The following NRXN1 variants were observed in gnomAD, a reference collection of about 807,000 sequenced individuals.
NRXN1 encodes neurexin-1.
Under a neutral mutation model 150.9 loss-of-function variants are expected in NRXN1, and 39 were observed. The observed-to-expected ratio is 0.26, with a 90% CI of 0.20 to 0.34. The LOEUF is 0.34. Ranked by LOEUF, NRXN1 falls within the 10% of genes least tolerant of loss-of-function variation. The probability of loss-of-function intolerance (pLI) is 1.00; values close to 1 mark genes in which losing one functional copy is unlikely to be tolerated. For synonymous variants in NRXN1, 924 were observed against 757.0 expected (o/e 1.22, Z -3.62); for missense variants, 1,815 against 1,949.9 (o/e 0.93, Z 1.30).
At chr2:50,728,138 C>T (rs1184662779) in intron 5 of NRXN1, among the ~76,000 whole-genome samples, 1 of 151,964 alleles carries the variant, frequency 6.6e-6, no homozygotes, top group Non-Finnish European at 1.5e-5. Flanking sequence ...AACAAGCATG[C>T]ATGCCTGATT....
At chr2:50,593,783 C>T (rs1341342737) in intron 8 of NRXN1, among the ~76,000 whole-genome samples, 2 of 152,028 alleles carry the variant, frequency 1.3e-5, no homozygotes, top group Non-Finnish European at 2.9e-5. Flanking sequence ...TTATTACATC[C>T]AACATATCTA....
chr2:50,819,060 T>C (rs1574586761), intron 5 of NRXN1, among the ~76,000 whole-genome samples: 1 of 152,234 alleles, frequency 6.6e-6, no homozygotes, highest in South Asian at 2.1e-4. Context: ...ATTGGAACCC[T>C]TGTGCACTTT....
intron 17 of NRXN1, among the ~76,000 whole-genome samples, chr2:50,301,030 C>G (rs1467728170): frequency 2.0e-5 from 3 of 151,994 alleles, no homozygotes; most frequent in Non-Finnish European, 4.4e-5. Flanking sequence ...ATAAGGATGC[C>G]TCATAGGGTT....
chr2:50,710,972 C>T (rs1559154586), intron 5 of NRXN1, among the ~76,000 whole-genome samples: 1 of 152,016 alleles, frequency 6.6e-6, no homozygotes, highest in African/African-American at 2.4e-5. Context: ...CTCTGTGGCC[C>T]CCATAATAGA....
At chr2:50,879,102 A>ACATAGTGTGGCTGTACGTTATCCAAT (rs1443684439) in intron 5 of NRXN1, among the ~76,000 whole-genome samples, 5 of 151,912 alleles carry the variant, frequency 3.3e-5, no homozygotes, top group African/African-American at 1.2e-4. Context: ...AGATGACCCT[A>ACATAGTGTGGCTGTACGTTATCCAAT]CATAGTGTGG....
intron 2 of NRXN1, among the ~76,000 whole-genome samples, chr2:51,000,658 A>C (rs926680344): frequency 2.0e-5 from 3 of 152,034 alleles, no homozygotes; most frequent in African/African-American, 7.2e-5. Flanking sequence ...AAAGTGAAGA[A>C]GTAGAAATAA....
At chr2:50,363,979 C>T (rs2079406468) in intron 17 of NRXN1, among the ~76,000 whole-genome samples, 2 of 152,066 alleles carry the variant, frequency 1.3e-5, no homozygotes, top group African/African-American at 4.8e-5. Context: ...TCTTAGCAAA[C>T]TAACACAGGA....
At chr2:50,703,550 G>T (rs533194879) in intron 5 of NRXN1, among the ~76,000 whole-genome samples, 1 of 152,236 alleles carries the variant, frequency 6.6e-6, no homozygotes, top group African/African-American at 2.4e-5. Context: ...TTTAAAGTAT[G>T]TTTTGGTGAT....
At chr2:50,421,934 A>G (rs143794165) in intron 17 of NRXN1, among the ~76,000 whole-genome samples, 173 of 152,240 alleles carry the variant, frequency 1.1e-3, no homozygotes, top group African/African-American at 3.8e-3. Flanking sequence ...CCTTCAGTGG[A>G]ACTGCATGGA....
At chr2:50,649,592 G>C (rs986793712) in intron 5 of NRXN1, among the ~76,000 whole-genome samples, 5 of 151,996 alleles carry the variant, frequency 3.3e-5, no homozygotes, top group African/African-American at 1.2e-4. Context: ...CTTTGCTTGA[G>C]GGTGGATGTC....
chr2:50,051,353 C>T (rs1470172538), intron 21 of NRXN1, among the ~76,000 whole-genome samples: 1 of 151,954 alleles, frequency 6.6e-6, no homozygotes, highest in Admixed American at 6.6e-5. Context: ...GATTTGGCAA[C>T]TGTAATCTCA....
chr2:50,498,199 C>G (rs955158420), intron 13 of NRXN1, among the ~76,000 whole-genome samples: 3 of 152,070 alleles, frequency 2.0e-5, no homozygotes, highest in Non-Finnish European at 4.4e-5. Context: ...ATATATTTTC[C>G]TATACCCAGT....
intron 21 of NRXN1, among the ~76,000 whole-genome samples, chr2:49,966,990 G>T (rs943994157): frequency 1.3e-5 from 2 of 152,112 alleles, no homozygotes; most frequent in Non-Finnish European, 2.9e-5. Context: ...TTTCCAAGTG[G>T]AAATCTGAGG....
chr2:50,911,587 G>C (rs185099002), intron 5 of NRXN1, among the ~76,000 whole-genome samples: 111 of 151,880 alleles, frequency 7.3e-4, no homozygotes, highest in African/African-American at 9.2e-4. Context: ...CCAGAAAAAA[G>C]GGTCATTATC....
At chr2:50,896,229 GA>G (rs200680660) in intron 5 of NRXN1, among the ~76,000 whole-genome samples, 4 of 150,668 alleles carry the variant, frequency 2.7e-5, no homozygotes, top group African/African-American at 9.7e-5. Flanking sequence ...CATCTTCCAA[GA>G]AAAAAAAATA....
At chr2:50,881,268 A>T (rs6727808) in intron 5 of NRXN1, among the ~76,000 whole-genome samples, 11 of 151,688 alleles carry the variant, frequency 7.3e-5, no homozygotes, top group African/African-American at 2.2e-4. Flanking sequence ...TTAGCAATCT[A>T]TTCCCCTTCT....
At chr2:50,528,972 C>T (rs181222791) in intron 11 of NRXN1, 2 of 273,506 alleles carry the variant, frequency 7.3e-6, no homozygotes, top group East Asian at 9.8e-5. Flanking sequence ...TGTGAAAGAA[C>T]ATATCATTGT....
At position 50,475,613 on chromosome 2, in the gene NRXN1, A is replaced by C. The variant is rs561475730; in HGVS notation, c.3071-3142T>G. Among the ~76,000 whole-genome samples, 110 of 152,184 alleles carry C rather than the reference A, an allele frequency of 7.2e-4. 1 individual carries two copies. Among genetic ancestry groups the C allele is most frequent in the African/African-American group, 2.5e-3 (104 of 41,550 alleles). On this transcript the variant is annotated intron_variant, in intron 15 of 22. Coordinates refer to ENST00000401669, the MANE Select transcript of NRXN1 (RefSeq NM_001330078.2). ...TATCAGTTCAAGCAGTGTGGGATACAACCTTCAAACATAGCAAGGTAGACG... is the reference window on the plus strand; with the variant it reads ...TATCAGTTCAAGCAGTGTGGGATACCACCTTCAAACATAGCAAGGTAGACG...
At chr2:50,092,008 C>G (rs910816143) in intron 18 of NRXN1, among the ~76,000 whole-genome samples, 8 of 152,176 alleles carry the variant, frequency 5.3e-5, no homozygotes, top group Non-Finnish European at 7.3e-5. Context: ...CCATCAAATA[C>G]TAACAGCTTG....
Sources: gnomAD v4.1 joint callset for allele counts (sites outside exome capture counted in the v4.1 genomes callset) on GRCh38, gnomAD v4.1.1 for gene constraint, MANE v1.5 for transcripts, NCBI Gene and HGNC (gene_info 2026-07-23, HGNC 2026-07-21) for gene names.